The following GALNTL6 variants were observed in gnomAD, a reference collection of about 807,000 sequenced individuals.
GALNTL6 encodes the protein polypeptide N-acetylgalactosaminyltransferase-like 6.
A neutral mutation model predicts 73.7 loss-of-function variants in GALNTL6; 46 were observed. That is an observed-to-expected ratio of 0.62 (90% CI 0.49 to 0.80). The LOEUF (loss-of-function observed/expected upper bound fraction) is 0.80. Ranked by LOEUF, GALNTL6 falls within the 30% of genes least tolerant of loss-of-function variation. The pLI is 0.00. For synonymous variants in GALNTL6, 259 were observed against 263.7 expected (o/e 0.98, Z 0.17); for missense variants, 604 against 755.0 (o/e 0.80, Z 2.34).
At chr4:172,127,329 G>C (rs1004436164) in intron 2 of GALNTL6, among the ~76,000 whole-genome samples, 9 of 152,238 alleles carry the variant, frequency 5.9e-5, no homozygotes, top group African/African-American at 2.2e-4. Context: ...TGACACCTGA[G>C]TATTGCTACT....
At chr4:172,308,316 AT>A (rs1356397712) in intron 3 of GALNTL6, among the ~76,000 whole-genome samples, 1 of 151,786 alleles carries the variant, frequency 6.6e-6, no homozygotes, top group Non-Finnish European at 1.5e-5. Flanking sequence ...GATGCCCCTT[AT>A]TTCTTTCTGT....
At chr4:172,877,058 A>G (rs1167024198) in intron 7 of GALNTL6, among the ~76,000 whole-genome samples, 1 of 152,198 alleles carries the variant, frequency 6.6e-6, no homozygotes, top group Non-Finnish European at 1.5e-5. Flanking sequence ...GGCCATTGAA[A>G]TGAATGGAAA....
intron 8 of GALNTL6, among the ~76,000 whole-genome samples, chr4:172,899,401 C>T (rs911564134): frequency 2.0e-5 from 3 of 152,104 alleles, no homozygotes; most frequent in East Asian, 3.9e-4. Context: ...ACGTATCTAA[C>T]GTCAATCTAA....
chr4:172,455,801 G>A lies in GALNTL6; in HGVS notation c.553+107112G>A, dbSNP rs114055121. 1.5e-3 allele frequency among the ~76,000 whole-genome samples: 226 copies of A among 152,322 alleles called. 1 individual carries two copies. The highest frequency in any genetic ancestry group is 4.8e-3 in the African/African-American group (200 of 41,582). On this transcript the variant is annotated intron_variant, in intron 5 of 12. Coordinates refer to ENST00000506823, the MANE Select transcript of GALNTL6 (RefSeq NM_001034845.3). ...GCAGACTTAAAAGTTCCCGCCTGAT[G>A]GCTCTGAAGAGAGGAATAGATCTCC...
At chr4:172,069,556 T>TTATATATAACACATATGTGTTATATATAC (rs1560909600) in intron 2 of GALNTL6, among the ~76,000 whole-genome samples, 1 of 74,534 alleles carries the variant, frequency 1.3e-5, no homozygotes, top group South Asian at 3.9e-4. Context: ...CACATATATG[T>TTATATATAACACATATGTGTTATATATAC]TATATATAAC....
At chr4:172,867,115 T>C (rs1157733720) in intron 7 of GALNTL6, among the ~76,000 whole-genome samples, 5 of 152,302 alleles carry the variant, frequency 3.3e-5, no homozygotes, top group Non-Finnish European at 2.9e-5. Context: ...AGTATGCTAA[T>C]CTTGACATTC....
At chr4:172,761,662 GCTCTCTTT>G (rs1428667606) in intron 5 of GALNTL6, among the ~76,000 whole-genome samples, 32 of 41,044 alleles carry the variant, frequency 7.8e-4, no homozygotes, top group Non-Finnish European at 1.2e-3. Flanking sequence ...CTTCGCCCTT[GCTCTCTTT>G]CTCTCTCTCT....
At chr4:171,824,862 A>G (rs1023299662) in intron 2 of GALNTL6, among the ~76,000 whole-genome samples, 7 of 152,180 alleles carry the variant, frequency 4.6e-5, no homozygotes, top group African/African-American at 1.4e-4. Flanking sequence ...TAGCCCATAC[A>G]GAAAATAATA....
chr4:172,761,931 T>C (rs1271220491), intron 5 of GALNTL6, among the ~76,000 whole-genome samples: 13 of 152,186 alleles, frequency 8.5e-5, no homozygotes, highest in Admixed American at 8.5e-4. Context: ...GAAAACATGT[T>C]GGGATCTTCA....
At chr4:172,083,315 A>G (rs184674587) in intron 2 of GALNTL6, among the ~76,000 whole-genome samples, 1 of 152,304 alleles carries the variant, frequency 6.6e-6, no homozygotes, top group Admixed American at 6.5e-5. Flanking sequence ...TATACATATT[A>G]GATCCTGTCA....
At chr4:172,182,582 G>C (rs1294446479) in intron 2 of GALNTL6, among the ~76,000 whole-genome samples, 1 of 148,826 alleles carries the variant, frequency 6.7e-6, no homozygotes, top group African/African-American at 2.5e-5. Context: ...TGATAAACAG[G>C]GCTGGCTGCA....
intron 2 of GALNTL6, among the ~76,000 whole-genome samples, chr4:172,135,508 T>C (rs1298824395): frequency 6.6e-6 from 1 of 152,096 alleles, no homozygotes; most frequent in Non-Finnish European, 1.5e-5. Flanking sequence ...TAATTGAGAA[T>C]TAGTAGAATT....
At chr4:172,866,194 C>G (rs1744653110) in intron 7 of GALNTL6, among the ~76,000 whole-genome samples, 1 of 152,148 alleles carries the variant, frequency 6.6e-6, no homozygotes, top group Non-Finnish European at 1.5e-5. Context: ...CCTACATAGC[C>G]TCTCTAAAAT....
intron 2 of GALNTL6, among the ~76,000 whole-genome samples, chr4:172,111,506 C>T (rs1310231205): frequency 1.3e-5 from 2 of 152,010 alleles, no homozygotes; most frequent in Non-Finnish European, 2.9e-5. Context: ...ATTTTACTGA[C>T]ATTTTTCTGT....
chr4:172,773,641 A>G (rs1293304075), intron 5 of GALNTL6, among the ~76,000 whole-genome samples: 4 of 151,938 alleles, frequency 2.6e-5, no homozygotes, highest in Non-Finnish European at 5.9e-5. Flanking sequence ...CTGTTAATAA[A>G]TGGCACTTTA....
At chr4:171,913,639 G>T (rs570418587) in intron 2 of GALNTL6, among the ~76,000 whole-genome samples, 26 of 152,140 alleles carry the variant, frequency 1.7e-4, no homozygotes, top group Non-Finnish European at 2.4e-4. Flanking sequence ...ACAGAAAAAG[G>T]ATAGGAGAAA....
chr4:172,291,953 A>G (rs1433750156), intron 3 of GALNTL6, among the ~76,000 whole-genome samples: 1 of 152,194 alleles, frequency 6.6e-6, no homozygotes, highest in East Asian at 1.9e-4. Flanking sequence ...TAAACCTGTC[A>G]TTGCATATAA....
intron 8 of GALNTL6, among the ~76,000 whole-genome samples, chr4:172,914,447 G>T (rs530738545): frequency 6.6e-6 from 1 of 152,318 alleles, no homozygotes; most frequent in African/African-American, 2.4e-5. Context: ...AAAAGACACA[G>T]ACTGGCAAAT....
intron 5 of GALNTL6, among the ~76,000 whole-genome samples, chr4:172,617,423 A>G (rs555141033): frequency 2.0e-5 from 3 of 150,808 alleles, no homozygotes; most frequent in African/African-American, 7.3e-5. Context: ...AAAAAAGAAG[A>G]AAAGAAAATG....
Sources: allele counts gnomAD v4.1 joint callset (sites outside exome capture counted in the v4.1 genomes callset), GRCh38; gene constraint gnomAD v4.1.1; transcripts MANE v1.5; gene names NCBI Gene and HGNC (gene_info 2026-07-23, HGNC 2026-07-21).